PHF3: variants seen among roughly 807,000 people sequenced by gnomAD.
PHF3 encodes the protein PHD finger protein 3.
A neutral mutation model predicts 178.4 loss-of-function variants in PHF3; 41 were observed. The observed-to-expected ratio is 0.23, with a 90% CI of 0.18 to 0.30. The LOEUF (loss-of-function observed/expected upper bound fraction) is 0.30, where lower values mean the gene tolerates loss of function less well. Ranked by LOEUF, PHF3 falls within the 10% of genes least tolerant of loss-of-function variation. The pLI is 1.00. For synonymous variants in PHF3, 842 were observed against 800.5 expected, an observed-to-expected ratio of 1.05 and a Z score of -0.88; for missense variants, 2,346 against 2,398.1, an observed-to-expected ratio of 0.98 and a Z score of 0.45.
At chr6:63,693,770 G>A (rs1431286570) in intron 5 of PHF3, among the ~76,000 whole-genome samples, 1 of 152,184 alleles carries the variant, frequency 6.6e-6, no homozygotes, top group Non-Finnish European at 1.5e-5. Flanking sequence ...GATGTGAACT[G>A]TTGACTCTCT....
At chr6:63,700,592 C>CT (rs952374946) in intron 9 of PHF3, 126 bp downstream of exon 9, 5,333 of 490,912 alleles carry the variant, frequency 0.011, no homozygotes, top group South Asian at 0.014. Context: ...TTACATGCTT[C>CT]TTTTTTTTTT....
At position 63,705,982 on chromosome 6, in the gene PHF3, A is replaced by G. The variant is rs370860311; in HGVS notation, c.3368-47A>G. The G allele has an allele frequency of 1.5e-5, 21 of 1,442,962 alleles. No homozygotes were observed. In the African/African-American group the frequency reaches 2.3e-4, roughly 16 times the overall value. 89.4% of individuals were successfully genotyped at this position (1,442,962 alleles called of 1,614,324 possible). A position where few individuals can be genotyped will look rare whatever the true frequency, so the allele number is the denominator to read the frequency against. ...GAAAGTGAAAATGGGTTAAGTTATA[A>G]AAGTTGTAGTTAACAGTTGGTTTCT... On this transcript the variant is annotated intron_variant, in intron 11 of 15. Transcript: ENST00000262043.
At chr6:63,681,195 T>C (rs1244816472) in intron 3 of PHF3, among the ~76,000 whole-genome samples, 2 of 152,062 alleles carry the variant, frequency 1.3e-5, no homozygotes, top group African/African-American at 4.8e-5. Context: ...TGTGTGTGTG[T>C]AGGAGTGTAT....
chr6:63,653,160 T>G (rs1387461620), intron 2 of PHF3, among the ~76,000 whole-genome samples: 1 of 151,424 alleles, frequency 6.6e-6, no homozygotes, highest in African/African-American at 2.4e-5. Flanking sequence ...GCTAGTTTTT[T>G]TTTTTTGTGG....
At chr6:63,705,511 C>T (rs765409499) in intron 11 of PHF3, among the ~76,000 whole-genome samples, 1 of 152,170 alleles carries the variant, frequency 6.6e-6, no homozygotes, top group Non-Finnish European at 1.5e-5. Context: ...ATCTAGGTTG[C>T]GTGCTCCTTA....
At chr6:63,636,781 CT>C (rs1764359496) in intron 1 of PHF3, 2 of 152,140 alleles carry the variant, frequency 1.3e-5, no homozygotes, top group African/African-American at 4.8e-5. Flanking sequence ...AGACTCTTGC[CT>C]TCCGATAATA....
chr6:63,638,959 C>G (rs1764463162), intron 1 of PHF3, among the ~76,000 whole-genome samples: 2 of 152,172 alleles, frequency 1.3e-5, no homozygotes, highest in South Asian at 2.1e-4. Flanking sequence ...GAGGCTGTTT[C>G]TATTCTCAGT....
chr6:63,718,805 T>G lies in PHF3; in HGVS notation c.*5097T>G, dbSNP rs1386544102. Among the ~76,000 whole-genome samples, 3 of 152,040 alleles carry G rather than the reference T, an allele frequency of 2.0e-5. No individual in the cohort carries two copies. Among genetic ancestry groups the G allele is most frequent in the Admixed American group, 1.3e-4 (2 of 15,222 alleles). On this transcript the variant is annotated 3_prime_UTR_variant, in exon 16 of 16. Transcript: ENST00000262043. ...TGATGGGAGTGTGGTTCAGGCAGTT[T>G]CTTCTTTTGTAAGCTTTCATAAAAC... is the stretch of plus-strand genomic sequence containing the variant.
At chr6:63,687,969 A>G (rs921046295) in intron 4 of PHF3, among the ~76,000 whole-genome samples, 1 of 151,974 alleles carries the variant, frequency 6.6e-6, no homozygotes, top group African/African-American at 2.4e-5. Context: ...GATTACTTCA[A>G]TTTTGTGAAT....
rs1478154844 is a variant in PHF3, at chr6:63,680,089, A to G, written c.334A>G (p.Arg112Gly). The change falls in exon 3 of 16, where the codon AGG becomes GGG. Residue 112 changes from arginine (R) to glycine (G), a missense_variant. Transcript: ENST00000262043. ...IDEEELILPN[R>G]NLRDKVEENS... ...TGAAGAAGAACTGATTTTACCTAAC[A>G]GGAACTTAAGGGACAAGGTAGAAGA... 1.2e-6 allele frequency: 2 copies of G among 1,612,826 alleles called. No homozygotes were observed. The highest frequency in any genetic ancestry group is 1.6e-4 in the Middle Eastern group (1 of 6,082).
chr6:63,707,536 G>A (rs577298140), intron 13 of PHF3, among the ~76,000 whole-genome samples: 4 of 152,268 alleles, frequency 2.6e-5, no homozygotes, highest in African/African-American at 7.2e-5. Context: ...TGAAGGAAAT[G>A]TATTTTTATA....
At chr6:63,678,239 A>G (rs1020910477) in intron 2 of PHF3, among the ~76,000 whole-genome samples, 1 of 152,038 alleles carries the variant, frequency 6.6e-6, no homozygotes, top group Non-Finnish European at 1.5e-5. Flanking sequence ...AAAGAAAAAA[A>G]AACAAAAAAC....
At chr6:63,700,032 G>A (rs1160732853) in intron 8 of PHF3, among the ~76,000 whole-genome samples, 7 of 152,084 alleles carry the variant, frequency 4.6e-5, no homozygotes, top group African/African-American at 7.2e-5. Context: ...GCAGTACCTC[G>A]CTATACTATA....
Position 63,684,799 on chromosome 6 carries a change from C to T in PHF3, c.1077C>T (p.Ser359=), listed in dbSNP as rs1157288333. 6.2e-7 allele frequency: 1 copy of T among 1,613,710 alleles called. No individual in the cohort carries two copies. Among genetic ancestry groups the T allele is most frequent in the Non-Finnish European group, 8.5e-7 (1 of 1,179,846 alleles). The part of the protein sequence containing the change: ...ACTNPNKTEN[S]LVGLPSCVDE... ...CAAATCCAAATAAGACAGAAAACAG[C>T]CTTGTAGGTTTGCCTAGTTGTGTAG... is the stretch of plus-strand genomic sequence containing the variant. Residue 359 remains serine, a synonymous_variant, in exon 4 of 16, where the codon AGC becomes AGT. Transcript: ENST00000262043.
At chr6:63,681,202 G>A (rs1262138600) in intron 3 of PHF3, among the ~76,000 whole-genome samples, 2 of 151,936 alleles carry the variant, frequency 1.3e-5, no homozygotes, top group East Asian at 1.9e-4. Flanking sequence ...GTGTAGGAGT[G>A]TATGTTATCT....
At chr6:63,692,421 T>A (rs1256146887) in intron 5 of PHF3, among the ~76,000 whole-genome samples, 1 of 152,216 alleles carries the variant, frequency 6.6e-6, no homozygotes, top group Non-Finnish European at 1.5e-5. Flanking sequence ...CATTTGGCAT[T>A]ATTTTTTTGA....
At chr6:63,662,833 G>C (rs1765526487) in intron 2 of PHF3, among the ~76,000 whole-genome samples, 1 of 152,166 alleles carries the variant, frequency 6.6e-6, no homozygotes, top group Non-Finnish European at 1.5e-5. Context: ...TGGTGACATT[G>C]TTTAAAGCAT....
chr6:63,662,243 G>T (rs1765499779), intron 2 of PHF3, among the ~76,000 whole-genome samples: 1 of 152,106 alleles, frequency 6.6e-6, no homozygotes, highest in South Asian at 2.1e-4. Context: ...AGAGGACAGG[G>T]CCAAAATTTT....
chr6:63,711,415 AC>A, intron 15 of PHF3, 53 bp downstream of exon 15: 1 of 1,465,640 alleles, frequency 6.8e-7, no homozygotes, highest in Non-Finnish European at 9.3e-7. Context: ...GGGAGGTGGG[AC>A]CAGAGTGAAA....
Sources: allele counts gnomAD v4.1 joint callset (sites outside exome capture counted in the v4.1 genomes callset), GRCh38; gene constraint gnomAD v4.1.1; transcripts MANE v1.5; gene names NCBI Gene and HGNC (gene_info 2026-07-23, HGNC 2026-07-21).